Variants in DAB2 observed in about 807,000 individuals in gnomAD.
DAB2 encodes DAB adaptor protein 2.
DAB2 carries 28 observed loss-of-function variants against 71.6 expected under a neutral mutation model. The observed-to-expected ratio is 0.39, with a 90% CI of 0.29 to 0.54. DAB2 has a LOEUF of 0.54. Among genes scored for constraint, DAB2 ranks in the 20% least tolerant of loss-of-function variants. The pLI, the probability that DAB2 is intolerant of heterozygous loss-of-function variation, is 0.68. For missense variants in DAB2, 867 were observed against 928.8 expected, an observed-to-expected ratio of 0.93 and a Z score of 0.86; for synonymous variants, 345 against 339.7, an observed-to-expected ratio of 1.02 and a Z score of -0.17.
chr5:39,393,910 G>A (rs553900809), intron 2 of DAB2, among the ~76,000 whole-genome samples: 1 of 151,862 alleles, frequency 6.6e-6, no homozygotes, highest in Non-Finnish European at 1.5e-5. Flanking sequence ...AATGAGTTCA[G>A]TAAAATCAAA....
Position 39,393,235 on chromosome 5 carries a change from G to A in DAB2, c.231+19C>T. Reference sequence around the variant, plus strand: ...GACTTTTGCTTAATATACAGATAAAGCATTCATTTCCCTTTTACCTTTAGT... The same window carrying A: ...GACTTTTGCTTAATATACAGATAAAACATTCATTTCCCTTTTACCTTTAGT... On this transcript the variant is annotated intron_variant, in intron 3 of 14. Coordinates refer to ENST00000320816, the MANE Select transcript of DAB2 (RefSeq NM_001343.4). The A allele has an allele frequency of 1.2e-6, 2 of 1,612,014 alleles. No homozygotes were observed. The highest frequency in any genetic ancestry group is 2.7e-5 in the African/African-American group (2 of 74,984).
chr5:39,404,300 C>T (rs1186931936), intron 1 of DAB2, among the ~76,000 whole-genome samples: 2 of 149,710 alleles, frequency 1.3e-5, no homozygotes, highest in African/African-American at 2.5e-5. Context: ...TGTTAAATGA[C>T]GAGTTGATGG....
At chr5:39,397,822 T>C (rs1287108941) in intron 1 of DAB2, among the ~76,000 whole-genome samples, 1 of 152,224 alleles carries the variant, frequency 6.6e-6, no homozygotes, top group African/African-American at 2.4e-5. Context: ...TTTATATACT[T>C]CGATATCTAC....
chr5:39,407,322 C>T (rs933384719), intron 1 of DAB2, among the ~76,000 whole-genome samples: 1 of 152,188 alleles, frequency 6.6e-6, no homozygotes, highest in African/African-American at 2.4e-5. Flanking sequence ...CAGGTTCAAG[C>T]GATTTTCCTG....
chr5:39,374,111 T>C (rs1754762696), intron 14 of DAB2, among the ~76,000 whole-genome samples: 1 of 152,190 alleles, frequency 6.6e-6, no homozygotes, highest in Admixed American at 6.5e-5. Flanking sequence ...TTAAGATATC[T>C]ATCTATTAAA....
intron 1 of DAB2, among the ~76,000 whole-genome samples, chr5:39,410,322 C>T (rs959819035): frequency 6.6e-6 from 1 of 152,100 alleles, no homozygotes; most frequent in African/African-American, 2.4e-5. Context: ...ATCTAGTTTT[C>T]TTTCCCAAAG....
At chr5:39,423,770 T>C (rs1021645110) in intron 1 of DAB2, 1 of 152,254 alleles carries the variant, frequency 6.6e-6, no homozygotes, top group Non-Finnish European at 1.5e-5. Flanking sequence ...AGTCACTTTA[T>C]AGAGCAATAG....
chr5:39,406,395 G>C (rs3914167), intron 1 of DAB2, among the ~76,000 whole-genome samples: 109,417 of 152,016 alleles, frequency 0.72, 39,961 homozygotes, highest in African/African-American at 0.8. Flanking sequence ...TGCAGGACCA[G>C]AGATGGCCAA....
chr5:39,389,281 A>T (rs2112051623), intron 6 of DAB2, among the ~76,000 whole-genome samples, 158 bp from the exon 7 acceptor site: 1 of 152,248 alleles, frequency 6.6e-6, no homozygotes, highest in East Asian at 1.9e-4. Context: ...TATCAATATA[A>T]GGTTTGAGTA....
intron 11 of DAB2, 91 bp from the exon 12 acceptor site, chr5:39,377,373 C>G (rs945002792): frequency 7.7e-6 from 10 of 1,302,992 alleles, no homozygotes; most frequent in Non-Finnish European, 1.1e-5. Flanking sequence ...GAAAGCCTCT[C>G]CACAGCTAAC....
intron 11 of DAB2, among the ~76,000 whole-genome samples, chr5:39,377,637 C>A (rs1244692037): frequency 6.6e-6 from 1 of 152,124 alleles, no homozygotes; most frequent in African/African-American, 2.4e-5. Context: ...TAGAACAGAG[C>A]CTGTTAATAG....
intron 5 of DAB2, among the ~76,000 whole-genome samples, 169 bp from the exon 6 acceptor site, chr5:39,390,101 T>C (rs907101056): frequency 6.6e-6 from 1 of 151,998 alleles, no homozygotes; most frequent in Non-Finnish European, 1.5e-5. Flanking sequence ...CACCCTTAGG[T>C]ATATAAAAGA....
At chr5:39,415,871 G>A (rs1459094679) in intron 1 of DAB2, among the ~76,000 whole-genome samples, 1 of 152,132 alleles carries the variant, frequency 6.6e-6, no homozygotes, top group Non-Finnish European at 1.5e-5. Flanking sequence ...CACTAAGTGG[G>A]AACAGCATTA....
At chr5:39,419,735 C>T (rs1755935953) in intron 1 of DAB2, among the ~76,000 whole-genome samples, 1 of 152,108 alleles carries the variant, frequency 6.6e-6, no homozygotes, top group East Asian at 1.9e-4. Flanking sequence ...TAATTATACT[C>T]TTTAAAAACC....
rs558020715 is a variant in DAB2 at position 39,388,464 on chromosome 5, T to C, written c.625-97A>G. ...GTTTCCTAAAGTTTAGGAAAGTAGC[T>C]GTCACAATTTAATTTCCATTTAACT... On this transcript the variant is annotated intron_variant, in intron 8 of 14. Coordinates refer to ENST00000320816, the MANE Select transcript of DAB2 (RefSeq NM_001343.4). 14 of 878,852 alleles carry C rather than the reference T, an allele frequency of 1.6e-5. No homozygotes were observed. In the African/African-American group the frequency reaches 2.0e-4, roughly 13 times the overall value. The allele number at this position is 878,852 out of a possible 1,614,324, so 54.4% of individuals were successfully genotyped here. A position where few individuals can be genotyped will look rare whatever the true frequency, so the allele number is the denominator to read the frequency against.
intron 9 of DAB2, chr5:39,385,230 A>T (rs546276351): frequency 6.6e-6 from 1 of 152,326 alleles, no homozygotes; most frequent in South Asian, 2.1e-4. Context: ...TAATCTAGGG[A>T]TCTTTATACA....
chr5:39,376,903 A>G lies in DAB2; in HGVS notation c.1884T>C (p.Pro628=), dbSNP rs538907566. 1.9e-5 allele frequency: 31 copies of G among 1,614,084 alleles called. No homozygotes were observed. The African/African-American group carries it at 4.0e-4, about 21-fold the overall frequency. ...TPPQPPPRAG[P]PKDISSDAFT... is the part of the protein sequence containing the mutation. ...AGGCATCACTGGAGATGTCCTTGGG[A>G]GGGCCAGCTCTGGGAGGTGGCTGAG... The change falls in exon 12 of 15, where the codon CCT becomes CCC. Residue 628 remains proline, a synonymous_variant. Coordinates refer to ENST00000320816, the MANE Select transcript of DAB2 (RefSeq NM_001343.4).
At chr5:39,411,791 C>T (rs904661764) in intron 1 of DAB2, among the ~76,000 whole-genome samples, 1 of 152,256 alleles carries the variant, frequency 6.6e-6, no homozygotes, top group Middle Eastern at 3.4e-3. Flanking sequence ...CTTCCATTCT[C>T]CACAGGAGCC....
At chr5:39,375,199 A>T (rs1384949646) in intron 13 of DAB2, 115 bp from the exon 14 acceptor site, 2 of 710,394 alleles carry the variant, frequency 2.8e-6, no homozygotes, top group African/African-American at 1.8e-5. Context: ...CCAATCAGCC[A>T]ATCAAACATT....
Sources: gnomAD v4.1 joint callset for allele counts (sites outside exome capture counted in the v4.1 genomes callset) on GRCh38, gnomAD v4.1.1 for gene constraint, MANE v1.5 for transcripts, NCBI Gene and HGNC (gene_info 2026-07-23, HGNC 2026-07-21) for gene names.